Variants in MCF2 observed in about 807,000 individuals in gnomAD.
MCF2 encodes the protein proto-oncogene DBL.
In MCF2, 44 loss-of-function variants were observed where a neutral mutation model predicts 82.5. The observed-to-expected ratio is 0.53, with a 90% CI of 0.42 to 0.69. The LOEUF (loss-of-function observed/expected upper bound fraction) is 0.69. Among genes scored for constraint, MCF2 ranks in the 30% least tolerant of loss-of-function variants. MCF2 has a pLI of 0.00. For missense variants in MCF2, 623 were observed against 663.1 expected (o/e 0.94, Z 0.66); for synonymous variants, 217 against 224.9 (o/e 0.96, Z 0.32).
At chrX:139,599,027 C>T (rs763667502) in intron 16 of MCF2, among the ~76,000 whole-genome samples, 2 of 109,601 alleles carry the variant, frequency 1.8e-5, no homozygotes, top group African/African-American at 3.3e-5. Flanking sequence ...TGTTGGGTTC[C>T]GGGAACATTG....
At chrX:139,633,897 C>G (rs1011528342) in intron 1 of MCF2, among the ~76,000 whole-genome samples, 3 of 111,239 alleles carry the variant, frequency 2.7e-5, no homozygotes, top group African/African-American at 9.8e-5. Flanking sequence ...ATCAGCAAGA[C>G]ATAACTACTT....
chrX:139,596,792 C>T, intron 18 of MCF2, 22 bp from the exon 23 acceptor site: 1 of 1,099,179 alleles, frequency 9.1e-7, no homozygotes, highest in Non-Finnish European at 1.3e-6. Context: ...AATCAAAACC[C>T]ATTAGTAGAA....
intron 1 of MCF2, among the ~76,000 whole-genome samples, chrX:139,664,057 T>A (rs1934436073): frequency 9.0e-6 from 1 of 110,726 alleles, no homozygotes; most frequent in Non-Finnish European, 1.9e-5. Flanking sequence ...CAGGCTGGAG[T>A]GCAGTGGTGC....
intron 16 of MCF2, among the ~76,000 whole-genome samples, chrX:139,599,944 T>A (rs1487330134): frequency 8.9e-6 from 1 of 111,767 alleles, no homozygotes; most frequent in Non-Finnish European, 1.9e-5. Flanking sequence ...ATAAATAAAA[T>A]GCTATACATC....
intron 22 of MCF2, among the ~76,000 whole-genome samples, chrX:139,587,179 C>T (rs928854368): frequency 2.7e-5 from 3 of 111,164 alleles, no homozygotes; most frequent in African/African-American, 9.8e-5. Flanking sequence ...AAATGTTCAG[C>T]GAGAACTCCA....
chrX:139,630,900 C>G (rs771319779), intron 3 of MCF2, among the ~76,000 whole-genome samples: 3 of 112,117 alleles, frequency 2.7e-5, no homozygotes, highest in East Asian at 5.6e-4. Context: ...CACTTATTGA[C>G]GGTTTGCCAT....
upstream of MCF2, among the ~76,000 whole-genome samples, chrX:139,646,069 C>T (rs1467877004): frequency 9.0e-6 from 1 of 111,671 alleles, no homozygotes. Flanking sequence ...ATCTATTTTT[C>T]TAACTCTAGT....
chrX:139,667,263 T>C (rs1377885266), intron 1 of MCF2, among the ~76,000 whole-genome samples: 1 of 108,325 alleles, frequency 9.2e-6, no homozygotes, highest in Non-Finnish European at 1.9e-5. Context: ...TGTGCCACCA[T>C]GCTTGGCTTA....
rs113730198 is a variant in MCF2, at chrX:139,634,804, G to A, written c.52-2350C>T. Among the ~76,000 whole-genome samples, 1,018 of 111,611 alleles carry A rather than the reference G, an allele frequency of 9.1e-3. 14 individuals carry two copies. Among genetic ancestry groups the A allele is most frequent in the African/African-American group, 0.029 (899 of 30,690 alleles). On this transcript the variant is annotated intron_variant, in intron 1 of 24. Transcript: ENST00000370576. Reference sequence around the variant, plus strand: ...ACACAATGATTAATAGTGATTAGAAGTATGATTAGGGCCAGACATGGTGAT... The same window carrying A: ...ACACAATGATTAATAGTGATTAGAAATATGATTAGGGCCAGACATGGTGAT...
intron 11 of MCF2, 73 bp downstream of exon 15, chrX:139,610,226 CAT>C (rs1931397044): frequency 4.7e-6 from 3 of 638,442 alleles, no homozygotes; most frequent in South Asian, 3.0e-5. Context: ...GTGAATGAAA[CAT>C]GTGATTTAAG....
chrX:139,677,625 CCACTCCCATCTTTTCCCCCTTTAAGCCAT>C (rs751250343), intron 1 of MCF2, among the ~76,000 whole-genome samples: 2 of 111,832 alleles, frequency 1.8e-5, no homozygotes, highest in Non-Finnish European at 3.8e-5. Context: ...AGCCAGAACA[CCACTCCCATCTTTTCCCCCTTTAAGCCAT>C]CTGTGGATGG....
chrX:139,634,142 T>G (rs1310355854), intron 1 of MCF2, among the ~76,000 whole-genome samples: 1 of 111,433 alleles, frequency 9.0e-6, no homozygotes, highest in Non-Finnish European at 1.9e-5. Context: ...GGGAAAGAAG[T>G]CTAGGCTAAA....
At chrX:139,636,924 G>C (rs1311331734) in intron 1 of MCF2, among the ~76,000 whole-genome samples, 1 of 111,412 alleles carries the variant, frequency 9.0e-6, no homozygotes, top group Non-Finnish European at 1.9e-5. Context: ...ATGCTAATCA[G>C]TTCATTCTTA....
intron 1 of MCF2, among the ~76,000 whole-genome samples, chrX:139,706,213 A>C (rs1935586958): frequency 8.9e-6 from 1 of 112,876 alleles, no homozygotes; most frequent in Non-Finnish European, 1.9e-5. Context: ...CAATCCCATT[A>C]CTGGGTATGT....
intron 1 of MCF2, among the ~76,000 whole-genome samples, chrX:139,687,063 T>TACACAC (rs140403182): frequency 9.5e-6 from 1 of 105,638 alleles, no homozygotes; most frequent in Non-Finnish European, 1.9e-5. Flanking sequence ...CACACACACA[T>TACACAC]ACACACACAC....
intron 22 of MCF2, among the ~76,000 whole-genome samples, chrX:139,586,881 T>C (rs768780797): frequency 9.0e-6 from 1 of 111,710 alleles, no homozygotes; most frequent in Admixed American, 9.6e-5. Flanking sequence ...AATTACTGCA[T>C]AAAACCTAAA....
intron 1 of MCF2, among the ~76,000 whole-genome samples, chrX:139,633,359 G>A (rs1247559586): frequency 1.8e-5 from 2 of 111,746 alleles, no homozygotes. Context: ...CGTACTAAAT[G>A]CTTACTCTGT....
At chrX:139,644,595 A>G (rs1933731670), upstream of MCF2, among the ~76,000 whole-genome samples, 2 of 112,396 alleles carry the variant, frequency 1.8e-5, no homozygotes, top group Admixed American at 1.9e-4. Context: ...CATTCTGAGT[A>G]TTAAAAGAAT....
intron 1 of MCF2, among the ~76,000 whole-genome samples, chrX:139,640,091 A>G (rs771490118): frequency 4.5e-5 from 5 of 111,589 alleles, no homozygotes; most frequent in Non-Finnish European, 9.4e-5. Context: ...TAGACACTTA[A>G]CACCTCATAG....
Sources: allele counts gnomAD v4.1 joint callset (sites outside exome capture counted in the v4.1 genomes callset), GRCh38; gene constraint gnomAD v4.1.1; transcripts MANE v1.5; gene names NCBI Gene and HGNC (gene_info 2026-07-23, HGNC 2026-07-21).